Variants in TBX5 observed in about 807,000 individuals in gnomAD.
TBX5 encodes the protein T-box transcription factor TBX5.
A neutral mutation model predicts 51.1 loss-of-function variants in TBX5; 8 were observed. That is an observed-to-expected ratio of 0.16 (90% confidence interval 0.09 to 0.28). TBX5 has a LOEUF of 0.28. Among genes scored for constraint, TBX5 ranks in the 10% least tolerant of loss-of-function variants. The pLI is 1.00. For missense variants in TBX5, 589 were observed against 671.7 expected (o/e 0.88, Z 1.36); for synonymous variants, 302 against 266.4 (o/e 1.13, Z -1.30).
Position 114,394,747 on chromosome 12 carries a change from G to A in TBX5, c.657C>T (p.Asn219=), listed in dbSNP as rs778217968. The change falls in exon 6 of 9, where the codon AAC becomes AAT. Residue 219 remains asparagine (N), a synonymous_variant. Transcript: ENST00000405440. ...TCCTGGGCTTCAGGCTTACCTTGTG[G>A]TTCTGGTAGGAAGTCACTGCTATAA... ...TAFIAVTSYQ[N]HKITQLKIEN... 1.5e-5 allele frequency: 25 copies of A among 1,614,136 alleles called. No individual in the cohort carries two copies. The highest frequency in any genetic ancestry group is 1.9e-5 in the Non-Finnish European group (23 of 1,180,010).
intron 7 of TBX5, among the ~76,000 whole-genome samples, chr12:114,379,369 G>A (rs1424775545): frequency 2.6e-5 from 4 of 152,162 alleles, no homozygotes; most frequent in Non-Finnish European, 5.9e-5. Context: ...GATGGTCTGG[G>A]AGCTCTTTGT....
At position 114,366,518 on chromosome 12, in the gene TBX5, T is replaced by C. The variant is rs1259517302; in HGVS notation, c.756-127A>G. The C allele has an allele frequency of 5.9e-6, 5 of 853,774 alleles. No individual in the cohort carries two copies. The Admixed American group carries it at 1.0e-4, about 18-fold the overall frequency. The allele number at this position is 853,774 out of a possible 1,614,324, so 52.9% of individuals were successfully genotyped here. On this transcript the variant is annotated intron_variant, in intron 7 of 8. Coordinates refer to ENST00000405440, the MANE Select transcript of TBX5 (RefSeq NM_181486.4). The stretch of plus-strand genomic sequence containing the variant: ...ATAAGGAAAAAAAAGAGGTCTTTGA[T>C]GAATAAAATGATCCAGTTATATTCA...
chr12:114,405,129 T>A (rs1267766698), intron 1 of TBX5, among the ~76,000 whole-genome samples: 3 of 152,154 alleles, frequency 2.0e-5, no homozygotes, highest in Non-Finnish European at 4.4e-5. Context: ...AGCGGCCAGA[T>A]CCCACCCTGA....
At chr12:114,381,712 G>C (rs1870514623) in intron 7 of TBX5, among the ~76,000 whole-genome samples, 3 of 152,126 alleles carry the variant, frequency 2.0e-5, no homozygotes, top group Admixed American at 6.5e-5. Context: ...TGTAGAACAA[G>C]AATTGACCCC....
upstream of TBX5, chr12:114,408,256 A>C: frequency 1.0e-6 from 1 of 972,718 alleles, no homozygotes; most frequent in Non-Finnish European, 1.2e-6. Context: ...AAAGACATAA[A>C]CCAACCCGGC....
intron 8 of TBX5, among the ~76,000 whole-genome samples, chr12:114,364,893 C>T (rs1002826886): frequency 1.3e-5 from 2 of 152,130 alleles, no homozygotes; most frequent in Non-Finnish European, 2.9e-5. Context: ...ATCTCTCTGT[C>T]CCCAAAGGCT....
At chr12:114,381,817 T>C (rs971952809) in intron 7 of TBX5, among the ~76,000 whole-genome samples, 4 of 152,292 alleles carry the variant, frequency 2.6e-5, no homozygotes, top group African/African-American at 9.6e-5. Flanking sequence ...GCCAATGACC[T>C]CATCTACTCC....
rs374906778 is a variant in TBX5 at position 114,398,656 on chromosome 12, C to T, written c.427G>A (p.Ala143Thr). 2.5e-6 allele frequency: 4 copies of T among 1,613,012 alleles called. No individual in the cohort carries two copies. Among genetic ancestry groups the T allele is most frequent in the Middle Eastern group, 1.6e-4 (1 of 6,082 alleles). The change falls in exon 5 of 9, where the codon GCC becomes ACC. Residue 143 changes from alanine (A) to threonine (T), a missense_variant. Transcript: ENST00000405440. Reference sequence around the variant, plus strand: ...TGCCTCATCCAATGCGCCCCGGTGGCGGGGGAGTCTGGGTGCACGTACAGG... The same window carrying T: ...TGCCTCATCCAATGCGCCCCGGTGGTGGGGGAGTCTGGGTGCACGTACAGG... ...GRLYVHPDSP[A>T]TGAHWMRQLV...
rs569991822 is a variant in TBX5 at position 114,355,052 on chromosome 12, C to T, written c.*480G>A. On this transcript the variant is annotated 3_prime_UTR_variant, in exon 9 of 9. Coordinates refer to ENST00000405440, the MANE Select transcript of TBX5 (RefSeq NM_181486.4). Reference sequence around the variant, plus strand: ...GAAATATACTTGCCTCAGACCTCCCCCCAAATAAGGGACTGGGTCCCATTA... The same window carrying T: ...GAAATATACTTGCCTCAGACCTCCCTCCAAATAAGGGACTGGGTCCCATTA... 414 of 171,574 alleles carry T rather than the reference C, an allele frequency of 2.4e-3. 1 individual carries two copies. Among genetic ancestry groups the T allele is most frequent in the African/African-American group, 9.0e-3 (377 of 41,672 alleles). 10.6% of individuals were successfully genotyped at this position (171,574 alleles called of 1,614,324 possible).
chr12:114,385,373 G>T, intron 7 of TBX5, 103 bp downstream of exon 7: 1 of 949,206 alleles, frequency 1.1e-6, no homozygotes, highest in East Asian at 2.5e-5. Context: ...GGCATTCTAC[G>T]GGCAGGAAGG....
intron 6 of TBX5, among the ~76,000 whole-genome samples, chr12:114,393,231 C>G (rs1398797306): frequency 1.3e-5 from 2 of 152,188 alleles, no homozygotes; most frequent in East Asian, 3.9e-4. Context: ...TGCAGTTCCC[C>G]CTCCACCCCA....
chr12:114,370,302 GAAAAGAAAAGAAAGA>G (rs1366075194), intron 7 of TBX5, among the ~76,000 whole-genome samples: 5 of 139,664 alleles, frequency 3.6e-5, no homozygotes, highest in Non-Finnish European at 6.3e-5. Flanking sequence ...GAAAAGAAAA[GAAAAGAAAAGAAAGA>G]AAAGAAAAGA....
intron 8 of TBX5, among the ~76,000 whole-genome samples, chr12:114,358,997 C>G (rs1299788707): frequency 6.6e-6 from 1 of 151,896 alleles, no homozygotes; most frequent in African/African-American, 2.4e-5. Flanking sequence ...ATAGAAAGTA[C>G]AGCTGCAGGG....
At chr12:114,356,356 G>T (rs1027685582) in intron 8 of TBX5, among the ~76,000 whole-genome samples, 15 of 152,294 alleles carry the variant, frequency 9.8e-5, no homozygotes, top group Admixed American at 5.9e-4. Flanking sequence ...GTAGGAAATA[G>T]CACTTCCTAC....
chr12:114,357,245 G>T (rs1005722102), intron 8 of TBX5, among the ~76,000 whole-genome samples: 1 of 152,130 alleles, frequency 6.6e-6, no homozygotes, highest in African/African-American at 2.4e-5. Context: ...CTCTGAAAGG[G>T]GGTCTCCTTT....
chr12:114,386,452 T>C (rs755790532), intron 6 of TBX5, among the ~76,000 whole-genome samples: 38 of 152,206 alleles, frequency 2.5e-4, no homozygotes, highest in Non-Finnish European at 4.9e-4. Flanking sequence ...GTTATAGACA[T>C]GAGAGCAGCA....
chr12:114,378,010 C>T (rs1021868848), intron 7 of TBX5, among the ~76,000 whole-genome samples: 8 of 152,018 alleles, frequency 5.3e-5, no homozygotes, highest in Admixed American at 3.9e-4. Context: ...TGGCTCAGAT[C>T]CCAGTCACCA....
At chr12:114,379,486 A>G (rs913689406) in intron 7 of TBX5, among the ~76,000 whole-genome samples, 3 of 152,194 alleles carry the variant, frequency 2.0e-5, no homozygotes, top group Non-Finnish European at 4.4e-5. Flanking sequence ...TCACACACAG[A>G]GAACAGATGG....
intron 6 of TBX5, among the ~76,000 whole-genome samples, chr12:114,386,014 A>T (rs894095324): frequency 1.2e-4 from 19 of 152,166 alleles, no homozygotes; most frequent in African/African-American, 4.6e-4. Flanking sequence ...TGCAGAAAAC[A>T]TGTCTTGATT....
Sources: allele counts gnomAD v4.1 joint callset (sites outside exome capture counted in the v4.1 genomes callset), GRCh38; gene constraint gnomAD v4.1.1; transcripts MANE v1.5; gene names NCBI Gene and HGNC (gene_info 2026-07-23, HGNC 2026-07-21).